The following AFG2A variants were observed in gnomAD, a reference collection of about 807,000 sequenced individuals.
AFG2A encodes the protein AAA ATPase AFG2A, also known as ATPase family gene 2 protein homolog A.
the AFG2A span, among the ~76,000 whole-genome samples, chr4:123,104,382 C>T: frequency 6.6e-6 from 1 of 152,128 alleles, no homozygotes; most frequent in Admixed American, 6.5e-5. Context: ...TGTCTCTTTT[C>T]CTCTCTTTGG....
the AFG2A span, among the ~76,000 whole-genome samples, chr4:123,301,375 T>C: frequency 6.6e-6 from 1 of 152,136 alleles, no homozygotes; most frequent in South Asian, 2.1e-4. Context: ...ATAAATGGCT[T>C]ATAAACAACA....
At chr4:122,938,784 A>G in the AFG2A span, among the ~76,000 whole-genome samples, 5 of 151,650 alleles carry the variant, frequency 3.3e-5, no homozygotes, top group Non-Finnish European at 5.9e-5. Context: ...CTTAGTAGAG[A>G]TGGGGTTTCA....
At chr4:122,933,968 C>A in the AFG2A span, 2 of 1,110,612 alleles carry the variant, frequency 1.8e-6, no homozygotes, top group Non-Finnish European at 2.5e-6. Context: ...TTTTTTATGA[C>A]AATTATTTTA....
the AFG2A span, among the ~76,000 whole-genome samples, chr4:123,132,614 A>ATATATATATGTGTACATATATATATATG: frequency 6.7e-6 from 1 of 148,216 alleles, no homozygotes; most frequent in Non-Finnish European, 1.5e-5. Flanking sequence ...ATATATATAT[A>ATATATATATGTGTACATATATATATATG]TGTGCATATA....
the AFG2A span, among the ~76,000 whole-genome samples, chr4:123,078,541 C>T: frequency 6.6e-6 from 1 of 152,152 alleles, no homozygotes; most frequent in Non-Finnish European, 1.5e-5. Flanking sequence ...CATGGATTTA[C>T]GTAGGCTTAG....
At chr4:122,934,890 A>G in the AFG2A span, 2 of 942,466 alleles carry the variant, frequency 2.1e-6, no homozygotes, top group Admixed American at 6.5e-5. Context: ...GGGAGATGCC[A>G]GTTAAATGGG....
the AFG2A span, among the ~76,000 whole-genome samples, chr4:123,310,845 G>A: frequency 6.6e-6 from 1 of 152,174 alleles, no homozygotes; most frequent in Non-Finnish European, 1.5e-5. Context: ...TTATTGACTA[G>A]TTCTTCAGAG....
At chr4:123,305,580 G>A in the AFG2A span, among the ~76,000 whole-genome samples, 2 of 152,220 alleles carry the variant, frequency 1.3e-5, no homozygotes, top group East Asian at 3.9e-4. Context: ...CATGGGAAGA[G>A]TTAAAGCACA....
At chr4:123,014,434 G>C in the AFG2A span, among the ~76,000 whole-genome samples, 1 of 151,858 alleles carries the variant, frequency 6.6e-6, no homozygotes, top group Non-Finnish European at 1.5e-5. Flanking sequence ...ACAAAAGTAG[G>C]TAGTTTTTTA....
At chr4:122,927,485 T>C in the AFG2A span, 1 of 668,324 alleles carries the variant, frequency 1.5e-6, no homozygotes, top group Non-Finnish European at 2.3e-6. Flanking sequence ...TGTTTTGTTA[T>C]AACAAAAGTT....
the AFG2A span, among the ~76,000 whole-genome samples, chr4:123,014,336 A>G: frequency 5.3e-5 from 8 of 152,176 alleles, no homozygotes; most frequent in African/African-American, 1.7e-4. Context: ...GGCGAGTTTT[A>G]TGCTGTTGTC....
At chr4:122,964,736 G>A in the AFG2A span, among the ~76,000 whole-genome samples, 116 of 152,136 alleles carry the variant, frequency 7.6e-4, 1 homozygote, top group Non-Finnish European at 5.9e-4. Context: ...AGTGATAGAG[G>A]GTTTGGAATA....
chr4:123,068,419 C>T, the AFG2A span, among the ~76,000 whole-genome samples: 10 of 152,124 alleles, frequency 6.6e-5, no homozygotes, highest in Admixed American at 3.9e-4. Context: ...CTGTTTCATC[C>T]TACAACAAAG....
the AFG2A span, among the ~76,000 whole-genome samples, chr4:123,021,051 A>T: frequency 6.6e-6 from 1 of 152,168 alleles, no homozygotes; most frequent in Non-Finnish European, 1.5e-5. Flanking sequence ...TAAGCTGAAA[A>T]CAGCTTTTCA....
chr4:122,942,303 A>G, the AFG2A span, among the ~76,000 whole-genome samples: 1 of 149,024 alleles, frequency 6.7e-6, no homozygotes. Flanking sequence ...TATTGCCACA[A>G]TTTCAGATCC....
At chr4:122,936,873 G>A in the AFG2A span, among the ~76,000 whole-genome samples, 2 of 152,116 alleles carry the variant, frequency 1.3e-5, no homozygotes, top group Admixed American at 6.5e-5. Flanking sequence ...CCAGCTACTC[G>A]GGAGGCTGAG....
At chr4:123,098,615 C>T in the AFG2A span, among the ~76,000 whole-genome samples, 1 of 151,984 alleles carries the variant, frequency 6.6e-6, no homozygotes, top group Non-Finnish European at 1.5e-5. Flanking sequence ...AGATCATGCA[C>T]TATTTGCCTT....
the AFG2A span, among the ~76,000 whole-genome samples, chr4:123,309,399 G>A: frequency 1.3e-5 from 2 of 152,266 alleles, no homozygotes; most frequent in Admixed American, 1.3e-4. Context: ...AGCTCCATCA[G>A]GCTTCTTTTA....
At chr4:122,992,315 A>G in the AFG2A span, among the ~76,000 whole-genome samples, 8 of 152,202 alleles carry the variant, frequency 5.3e-5, no homozygotes, top group Admixed American at 3.3e-4. Flanking sequence ...GCCTAAGGCC[A>G]TGGTGTGCTG....
Sources: allele counts gnomAD v4.1 joint callset (sites outside exome capture counted in the v4.1 genomes callset), GRCh38; gene constraint gnomAD v4.1.1; transcripts MANE v1.5; gene names NCBI Gene and HGNC (gene_info 2026-07-23, HGNC 2026-07-21).